TTC39B: variants seen among roughly 807,000 people sequenced by gnomAD.
The protein encoded by TTC39B is tetratricopeptide repeat protein 39B.
In TTC39B, 92 loss-of-function variants were observed where a neutral mutation model predicts 96.6. The observed-to-expected ratio is 0.95, with a 90% confidence interval of 0.80 to 1.13. TTC39B has a LOEUF of 1.13. Among genes scored for constraint, TTC39B ranks in the 50% most tolerant of loss-of-function variants. The probability of loss-of-function intolerance (pLI) is 0.00; values close to 1 mark genes in which losing one functional copy is unlikely to be tolerated. For missense variants in TTC39B, 955 were observed against 809.3 expected, an observed-to-expected ratio of 1.18 and a Z score of -2.18; for synonymous variants, 367 against 299.4, an observed-to-expected ratio of 1.23 and a Z score of -2.33.
chr9:15,174,887 G>T, intron 19 of TTC39B, 132 bp downstream of exon 19: 4 of 690,430 alleles, frequency 5.8e-6, no homozygotes, highest in Non-Finnish European at 5.1e-6. Flanking sequence ...TCAACCAGAA[G>T]TTAGCAAAAG....
At chr9:15,253,355 G>A (rs1822634145) in intron 2 of TTC39B, among the ~76,000 whole-genome samples, 1 of 152,204 alleles carries the variant, frequency 6.6e-6, no homozygotes, top group African/African-American at 2.4e-5. Flanking sequence ...CTATGCTGCT[G>A]GCTTTGAAGA....
intron 3 of TTC39B, chr9:15,224,269 T>C (rs1250558166): frequency 6.6e-6 from 1 of 152,412 alleles, no homozygotes; most frequent in African/African-American, 2.4e-5. Context: ...ATGCAAAGGA[T>C]ACTTTTCCAC....
chr9:15,255,849 T>C (rs866348676), intron 2 of TTC39B, among the ~76,000 whole-genome samples: 1 of 152,198 alleles, frequency 6.6e-6, no homozygotes. Context: ...TAACTGTGTA[T>C]TCCAAAAGAT....
chr9:15,289,971 C>A (rs1225103126), intron 1 of TTC39B, among the ~76,000 whole-genome samples: 1 of 152,098 alleles, frequency 6.6e-6, no homozygotes, highest in Non-Finnish European at 1.5e-5. Context: ...AAGCCAAACA[C>A]TGACCCAAAA....
chr9:15,298,516 G>C (rs1359021204), intron 1 of TTC39B, among the ~76,000 whole-genome samples: 2 of 152,204 alleles, frequency 1.3e-5, no homozygotes, highest in East Asian at 3.8e-4. Context: ...CAGCAGGCAA[G>C]AGAGTGTGTG....
At chr9:15,241,001 T>A (rs1449807165) in intron 2 of TTC39B, among the ~76,000 whole-genome samples, 1 of 152,210 alleles carries the variant, frequency 6.6e-6, no homozygotes, top group Non-Finnish European at 1.5e-5. Context: ...GATTCATGCC[T>A]TATTGAAGGA....
chr9:15,257,046 T>C (rs1822776580), intron 2 of TTC39B, among the ~76,000 whole-genome samples: 1 of 152,148 alleles, frequency 6.6e-6, no homozygotes, highest in African/African-American at 2.4e-5. Context: ...TCGGAGAAAT[T>C]TGAGCACTGA....
chr9:15,257,957 G>A (rs1184545157), intron 2 of TTC39B, among the ~76,000 whole-genome samples: 2 of 152,116 alleles, frequency 1.3e-5, no homozygotes, highest in African/African-American at 4.8e-5. Flanking sequence ...TACTCAGGAA[G>A]GCTGAGGCAG....
At chr9:15,240,338 T>C (rs1242094536) in intron 2 of TTC39B, among the ~76,000 whole-genome samples, 10 of 152,242 alleles carry the variant, frequency 6.6e-5, no homozygotes. Context: ...AGGATATAAC[T>C]GTTCTATTAA....
At chr9:15,198,479 T>C (rs1819319897) in intron 8 of TTC39B, among the ~76,000 whole-genome samples, 1 of 148,262 alleles carries the variant, frequency 6.7e-6, no homozygotes, top group Non-Finnish European at 1.5e-5. Flanking sequence ...TATATATATA[T>C]ATATATATCA....
At chr9:15,284,605 G>A (rs1263050344) in intron 1 of TTC39B, among the ~76,000 whole-genome samples, 1 of 152,212 alleles carries the variant, frequency 6.6e-6, no homozygotes, top group Non-Finnish European at 1.5e-5. Context: ...TGGGAAAGGT[G>A]TAGGGTACAA....
At chr9:15,264,933 A>T (rs1823076363) in intron 2 of TTC39B, among the ~76,000 whole-genome samples, 1 of 152,122 alleles carries the variant, frequency 6.6e-6, no homozygotes, top group Admixed American at 6.6e-5. Context: ...TCGGTTGAAC[A>T]AAAGAGTTGT....
At chr9:15,276,638 A>G (rs947323895) in intron 1 of TTC39B, among the ~76,000 whole-genome samples, 2 of 152,210 alleles carry the variant, frequency 1.3e-5, no homozygotes, top group East Asian at 3.8e-4. Flanking sequence ...AAATAAATAC[A>G]CAAGTGATTT....
At chr9:15,294,387 A>G (rs1425690734) in intron 1 of TTC39B, among the ~76,000 whole-genome samples, 8 of 152,178 alleles carry the variant, frequency 5.3e-5, no homozygotes, top group African/African-American at 1.9e-4. Flanking sequence ...TCCTACCAAC[A>G]TCTAGGTGCT....
At chr9:15,197,901 T>G (rs2131292985) in intron 8 of TTC39B, among the ~76,000 whole-genome samples, 1 of 152,050 alleles carries the variant, frequency 6.6e-6, no homozygotes, top group South Asian at 2.1e-4. Context: ...AAAATAAGCT[T>G]GAAAAGAAAA....
intron 1 of TTC39B, among the ~76,000 whole-genome samples, chr9:15,287,812 G>A (rs1824027577): frequency 6.6e-6 from 1 of 152,048 alleles, no homozygotes; most frequent in Non-Finnish European, 1.5e-5. Context: ...CGGGCATGGT[G>A]GCATGGGCCT....
At chr9:15,299,649 A>G (rs1415574667) in intron 1 of TTC39B, among the ~76,000 whole-genome samples, 2 of 152,180 alleles carry the variant, frequency 1.3e-5, no homozygotes, top group African/African-American at 4.8e-5. Context: ...CATCTTTGGG[A>G]AGTGAATACA....
At chr9:15,190,283 ATCTT>A (rs1818780959) in intron 11 of TTC39B, among the ~76,000 whole-genome samples, 1 of 151,826 alleles carries the variant, frequency 6.6e-6, no homozygotes, top group Admixed American at 6.6e-5. Context: ...GCTCTTGCTG[ATCTT>A]TCTAAATTTT....
chr9:15,180,031 C>T (rs759467325), intron 17 of TTC39B, among the ~76,000 whole-genome samples: 6 of 152,166 alleles, frequency 3.9e-5, no homozygotes, highest in South Asian at 2.1e-4. Context: ...ATGAACATTT[C>T]GACACACAAC....
Sources: allele counts gnomAD v4.1 joint callset (sites outside exome capture counted in the v4.1 genomes callset), GRCh38; gene constraint gnomAD v4.1.1; transcripts MANE v1.5; gene names NCBI Gene and HGNC (gene_info 2026-07-23, HGNC 2026-07-21).